Variants in MMP16 observed in about 807,000 individuals in gnomAD.
The protein encoded by MMP16 is matrix metallopeptidase 16.
A neutral mutation model predicts 67.8 loss-of-function variants in MMP16; 12 were observed. The observed-to-expected ratio is 0.18, with a 90% CI of 0.11 to 0.29. MMP16 has a LOEUF of 0.29. Ranked by LOEUF, MMP16 falls within the 10% of genes least tolerant of loss-of-function variation. The pLI is 1.00. For synonymous variants in MMP16, 249 were observed against 255.9 expected (o/e 0.97, Z 0.26); for missense variants, 475 against 765.7 (o/e 0.62, Z 4.48).
rs1033066873 is a variant in MMP16 at position 88,074,714 on chromosome 8, G to A, written c.1113C>T (p.Asn371=). 1 of 1,612,958 alleles carries A rather than the reference G, an allele frequency of 6.2e-7. No individual in the cohort carries two copies. Among genetic ancestry groups the A allele is most frequent in the African/African-American group, 1.3e-5 (1 of 74,852 alleles). Reference sequence around the variant, plus strand: ...GCATTGGGTATCCATCCATCACCCTGTTGTTTCTCACTCGCCAAAACCACT... The same window carrying A: ...GCATTGGGTATCCATCCATCACCCTATTGTTTCTCACTCGCCAAAACCACT... ...KDQWFWRVRN[N]RVMDGYPMQI... is the part of the protein sequence containing the mutation. The change falls in exon 7 of 10, where the codon AAC becomes AAT. Residue 371 remains asparagine, a synonymous_variant. Transcript: ENST00000286614.
At chr8:88,145,078 A>G (rs1481271952) in intron 4 of MMP16, among the ~76,000 whole-genome samples, 4 of 152,010 alleles carry the variant, frequency 2.6e-5, no homozygotes, top group Non-Finnish European at 5.9e-5. Context: ...TTAATACCCC[A>G]TAAGTCTCTA....
At chr8:88,235,893 G>T (rs1327689740) in intron 1 of MMP16, among the ~76,000 whole-genome samples, 1 of 150,664 alleles carries the variant, frequency 6.6e-6, no homozygotes, top group Admixed American at 6.6e-5. Flanking sequence ...TTATATTTTC[G>T]TCTCTTTTCC....
chr8:88,173,473 T>C (rs1385490173), intron 3 of MMP16, among the ~76,000 whole-genome samples: 1 of 152,200 alleles, frequency 6.6e-6, no homozygotes, highest in Non-Finnish European at 1.5e-5. Context: ...GTCAAAATAT[T>C]TTTATATAAA....
At chr8:88,264,482 C>T (rs1227209310) in intron 1 of MMP16, among the ~76,000 whole-genome samples, 3 of 152,142 alleles carry the variant, frequency 2.0e-5, no homozygotes, top group Non-Finnish European at 2.9e-5. Context: ...GTTACAGATA[C>T]GACCAGCCAT....
At chr8:88,062,470 T>C (rs1004124870) in intron 7 of MMP16, among the ~76,000 whole-genome samples, 3 of 152,128 alleles carry the variant, frequency 2.0e-5, no homozygotes, top group Admixed American at 1.3e-4. Context: ...TGGAATACTA[T>C]GCAGCCATAA....
intron 3 of MMP16, among the ~76,000 whole-genome samples, chr8:88,169,690 T>C (rs1808768548): frequency 6.6e-6 from 1 of 151,900 alleles, no homozygotes; most frequent in Non-Finnish European, 1.5e-5. Flanking sequence ...GAAGAAGAAA[T>C]GGCAAGTGAA....
chr8:88,196,505 A>AAT (rs1343068734), intron 2 of MMP16, among the ~76,000 whole-genome samples: 1 of 152,138 alleles, frequency 6.6e-6, no homozygotes, highest in Non-Finnish European at 1.5e-5. Context: ...TAAAGCACCC[A>AAT]ATAAAGAGCT....
intron 1 of MMP16, among the ~76,000 whole-genome samples, chr8:88,215,320 TAA>T (rs775986373): frequency 3.5e-5 from 5 of 142,698 alleles, no homozygotes; most frequent in Non-Finnish European, 4.6e-5. Context: ...AGACTCTGTC[TAA>T]AAAAAAAAAA....
intron 4 of MMP16, among the ~76,000 whole-genome samples, chr8:88,162,392 G>A (rs998022941): frequency 3.3e-5 from 5 of 151,954 alleles, no homozygotes; most frequent in Admixed American, 3.3e-4. Flanking sequence ...TGTGAAAGCC[G>A]AATTATTGAG....
intron 6 of MMP16, among the ~76,000 whole-genome samples, chr8:88,101,639 A>T (rs1809147299): frequency 6.6e-6 from 1 of 151,798 alleles, no homozygotes; most frequent in African/African-American, 2.4e-5. Flanking sequence ...CTCAGCAACC[A>T]CTCTAGGTGA....
intron 2 of MMP16, among the ~76,000 whole-genome samples, chr8:88,190,133 G>A (rs975302056): frequency 1.3e-5 from 2 of 152,038 alleles, no homozygotes; most frequent in Admixed American, 1.3e-4. Context: ...TAAGAAATAA[G>A]CATAACATAT....
intron 6 of MMP16, among the ~76,000 whole-genome samples, chr8:88,100,478 C>A (rs1809122034): frequency 2.0e-5 from 3 of 151,966 alleles, no homozygotes; most frequent in African/African-American, 7.2e-5. Context: ...CAGGAAACAA[C>A]AGGTGCTGGA....
In MMP16 at chr8:88,037,715, A is replaced by G. The variant is rs1808073365; in HGVS notation, c.*3746T>C. The G allele has an allele frequency of 6.6e-6, 1 of 151,996 alleles. No homozygotes were observed. The highest frequency in any genetic ancestry group is 2.4e-5 in the African/African-American group (1 of 41,448). 9.4% of individuals were successfully genotyped at this position (151,996 alleles called of 1,614,324 possible). ...ACTGCTTTACAGGAAATTCAAACTGATCAGCTATTTTAATACTTCATTGCA... is the reference window on the plus strand; with the variant it reads ...ACTGCTTTACAGGAAATTCAAACTGGTCAGCTATTTTAATACTTCATTGCA... On this transcript the variant is annotated 3_prime_UTR_variant, in exon 10 of 10. Coordinates refer to ENST00000286614, the MANE Select transcript of MMP16 (RefSeq NM_005941.5).
At chr8:88,161,461 C>T (rs1158957996) in intron 4 of MMP16, among the ~76,000 whole-genome samples, 2 of 152,024 alleles carry the variant, frequency 1.3e-5, no homozygotes, top group African/African-American at 4.8e-5. Flanking sequence ...TAGTCTCTTG[C>T]TAGCAGTCTA....
At position 88,270,741 on chromosome 8, in the gene MMP16, T is replaced by C. The variant is rs184749446; in HGVS notation, c.132+56334A>G. Among the ~76,000 whole-genome samples, 269 of 152,358 alleles carry C rather than the reference T, an allele frequency of 1.8e-3. 1 individual carries two copies. Among genetic ancestry groups the C allele is most frequent in the Non-Finnish European group, 2.9e-3 (200 of 68,018 alleles). ...TTGTCATTTTCTTCAAGATGTCTTCTTGAAACACTAGAATAGGCTAAATCT... is the reference window on the plus strand; with the variant it reads ...TTGTCATTTTCTTCAAGATGTCTTCCTGAAACACTAGAATAGGCTAAATCT... On this transcript the variant is annotated intron_variant, in intron 1 of 9. Transcript: ENST00000286614.
chr8:88,299,091 A>G (rs1811059289), intron 1 of MMP16, among the ~76,000 whole-genome samples: 1 of 152,198 alleles, frequency 6.6e-6, no homozygotes, highest in Non-Finnish European at 1.5e-5. Context: ...AAAAGTCACA[A>G]TGGTCAAAGG....
chr8:88,201,549 C>A (rs544077194), intron 1 of MMP16, among the ~76,000 whole-genome samples: 1 of 152,016 alleles, frequency 6.6e-6, no homozygotes, highest in African/African-American at 2.4e-5. Flanking sequence ...TTTTGGGAAA[C>A]AATTTTTTTA....
chr8:88,126,326 T>C (rs1297435297), intron 4 of MMP16, among the ~76,000 whole-genome samples: 3 of 151,818 alleles, frequency 2.0e-5, no homozygotes, highest in African/African-American at 7.2e-5. Flanking sequence ...CATAATCCTC[T>C]TAAAGTATCT....
intron 3 of MMP16, among the ~76,000 whole-genome samples, chr8:88,168,988 G>A (rs1026359991): frequency 6.6e-6 from 1 of 151,902 alleles, no homozygotes; most frequent in African/African-American, 2.4e-5. Flanking sequence ...GATTTAGGAA[G>A]TAATAACCAT....
Sources: allele counts gnomAD v4.1 joint callset (sites outside exome capture counted in the v4.1 genomes callset), GRCh38; gene constraint gnomAD v4.1.1; transcripts MANE v1.5; gene names NCBI Gene and HGNC (gene_info 2026-07-23, HGNC 2026-07-21).